Variants in HDAC4 observed in about 807,000 individuals in gnomAD.
The protein encoded by HDAC4 is histone deacetylase A.
A neutral mutation model predicts 135.1 loss-of-function variants in HDAC4; 16 were observed. The observed-to-expected ratio is 0.12, with a 90% CI of 0.08 to 0.18. The LOEUF is 0.18. Ranked by LOEUF, HDAC4 falls within the 10% of genes least tolerant of loss-of-function variation. HDAC4 has a pLI of 1.00. For missense variants in HDAC4, 1,143 were observed against 1,511.8 expected (o/e 0.76, Z 4.05); for synonymous variants, 685 against 653.4 (o/e 1.05, Z -0.74).
Position 239,331,265 on chromosome 2 carries a change from G to A in HDAC4, c.22+21413C>T, listed in dbSNP as rs1468035669. Among the ~76,000 whole-genome samples the A allele has an allele frequency of 2.0e-5, 3 of 152,094 alleles. No individual in the cohort carries two copies. ...ATGAATTCTTCCTTCATATTCGAGGGGAAAACGGTAAAAGCCACGAGAAGG... is the reference window on the plus strand; with the variant it reads ...ATGAATTCTTCCTTCATATTCGAGGAGAAAACGGTAAAAGCCACGAGAAGG... On this transcript the variant is annotated intron_variant, in intron 2 of 26. Coordinates refer to ENST00000543185, the MANE Select transcript of HDAC4 (RefSeq NM_001378414.1). This position sits in a 1 kb window ranked among gnomAD's most constrained non-coding sequence, Gnocchi z 4.5.
intron 6 of HDAC4, among the ~76,000 whole-genome samples, chr2:239,162,639 C>T (rs1407034735): frequency 3.3e-5 from 5 of 152,140 alleles, no homozygotes; most frequent in South Asian, 4.1e-4. Flanking sequence ...CCATGGACGC[C>T]GGTCTCACTC....
intron 26 of HDAC4, 115 bp downstream of exon 26, chr2:239,053,345 G>C (rs2031186843): frequency 2.1e-6 from 3 of 1,437,968 alleles, no homozygotes; most frequent in Non-Finnish European, 9.5e-7. Flanking sequence ...ACACTGGCCT[G>C]TCTCTAGTCT....
intron 2 of HDAC4, among the ~76,000 whole-genome samples, chr2:239,339,309 C>T (rs1015329166): frequency 1.4e-4 from 21 of 152,190 alleles, no homozygotes; most frequent in Admixed American, 2.0e-4. Context: ...CAGGTGCCGA[C>T]AGAAGGCAAA....
rs534397297 is a variant in HDAC4 at position 239,134,642 on chromosome 2, G to A, written c.980C>T (p.Thr327Met). The change falls in exon 10 of 27, where the codon ACG becomes ATG. Residue 327 changes from threonine to methionine, a missense_variant and splice_region_variant. Thr to Met is a moderately conservative substitution (Grantham distance 81, BLOSUM62 -1). Transcript: ENST00000543185. The stretch of plus-strand genomic sequence containing the variant: ...TGCCACAAGTCTGTGCGCCAAACTC[G>A]TCTGGGGACAGAACACACGATGACC... The part of the protein sequence containing the change: ...APAVPSIPAE[T>M]SLAHRLVARE... 9.3e-6 allele frequency: 15 copies of A among 1,610,786 alleles called. No individual in the cohort carries two copies. In the South Asian group the frequency reaches 1.2e-4, roughly 13 times the overall value.
intron 3 of HDAC4, among the ~76,000 whole-genome samples, chr2:239,202,836 G>A (rs184445938): frequency 1.5e-4 from 23 of 152,342 alleles, no homozygotes; most frequent in East Asian, 1.2e-3. Context: ...AGGATGCCAC[G>A]AGTGTGTCCA....
rs958248965 is a variant in HDAC4, at chr2:239,379,905, G to A, written c.-220+21073C>T. 2.6e-5 allele frequency among the ~76,000 whole-genome samples: 4 copies of A among 152,348 alleles called. No individual in the cohort carries two copies. In the South Asian group the frequency reaches 6.2e-4, roughly 24 times the overall value. On this transcript the variant is annotated intron_variant, in intron 1 of 26. Coordinates refer to ENST00000543185, the MANE Select transcript of HDAC4 (RefSeq NM_001378414.1). Reference sequence around the variant, plus strand: ...ACGCAGACACTGACAGTGGGATAGGGAGACAGTGGAATGCTCCGGACCTGG... The same window carrying A: ...ACGCAGACACTGACAGTGGGATAGGAAGACAGTGGAATGCTCCGGACCTGG...
chr2:239,358,281 C>T (rs997128418), intron 1 of HDAC4, among the ~76,000 whole-genome samples: 13 of 152,208 alleles, frequency 8.5e-5, no homozygotes, highest in African/African-American at 3.1e-4. Flanking sequence ...CAGATAGTTA[C>T]GTTATCCGCT....
intron 2 of HDAC4, among the ~76,000 whole-genome samples, chr2:239,257,085 A>C (rs1533932): frequency 0.26 from 39,777 of 151,928 alleles, 7,086 homozygotes; most frequent in East Asian, 0.56. Context: ...ATTCCTATAA[A>C]CCCTTTAATA....
chr2:239,221,019 C>T (rs553448200), intron 3 of HDAC4, among the ~76,000 whole-genome samples: 11 of 152,172 alleles, frequency 7.2e-5, no homozygotes, highest in Non-Finnish European at 1.5e-5. Flanking sequence ...CTCCCACCAG[C>T]CCTTGGACTC....
At chr2:239,184,417 G>A (rs1264237185) in intron 4 of HDAC4, among the ~76,000 whole-genome samples, 12 of 146,728 alleles carry the variant, frequency 8.2e-5, no homozygotes, top group Non-Finnish European at 1.4e-4. Flanking sequence ...GTGCCCTATG[G>A]GGGGGTCCCT....
intron 2 of HDAC4, among the ~76,000 whole-genome samples, chr2:239,256,133 C>T (rs1278449977): frequency 6.6e-6 from 1 of 152,194 alleles, no homozygotes; most frequent in Non-Finnish European, 1.5e-5. Context: ...CAAGTGTGTT[C>T]CAGCTGCGTT....
At chr2:239,153,843 C>A (rs1393038866) in intron 7 of HDAC4, among the ~76,000 whole-genome samples, 1 of 152,194 alleles carries the variant, frequency 6.6e-6, no homozygotes, top group Non-Finnish European at 1.5e-5. Context: ...GGGAAGCCAA[C>A]AGCCACGGAA....
intron 1 of HDAC4, among the ~76,000 whole-genome samples, chr2:239,387,099 C>T (rs1695866223): frequency 3.3e-5 from 5 of 152,210 alleles, no homozygotes; most frequent in South Asian, 2.1e-4. Flanking sequence ...GGTGGGAATG[C>T]TTGCTGTGTG....
At chr2:239,082,642 C>T (rs1420588840) in intron 20 of HDAC4, among the ~76,000 whole-genome samples, 1 of 152,248 alleles carries the variant, frequency 6.6e-6, no homozygotes, top group African/African-American at 2.4e-5. Context: ...CTGGCTGTGG[C>T]CTGCCCGCTT....
intron 2 of HDAC4, among the ~76,000 whole-genome samples, chr2:239,314,844 C>T (rs2053048424): frequency 6.6e-6 from 1 of 152,070 alleles, no homozygotes; most frequent in Non-Finnish European, 1.5e-5. Context: ...CTGAATGGAC[C>T]CCTCCTCTCA....
At chr2:239,234,488 G>A (rs563178217) in intron 3 of HDAC4, among the ~76,000 whole-genome samples, 22 of 152,256 alleles carry the variant, frequency 1.4e-4, no homozygotes, top group South Asian at 2.1e-4. Context: ...GGCCTTGAAC[G>A]GGGATATAAA....
chr2:239,159,050 C>T (rs2042607020), intron 6 of HDAC4, among the ~76,000 whole-genome samples: 1 of 150,698 alleles, frequency 6.6e-6, no homozygotes, highest in African/African-American at 2.4e-5. Flanking sequence ...ACACCTCACC[C>T]ATACCTATAT....
At chr2:239,118,498 G>A (rs542534561) in intron 12 of HDAC4, among the ~76,000 whole-genome samples, 10 of 152,196 alleles carry the variant, frequency 6.6e-5, no homozygotes, top group East Asian at 5.8e-4. Context: ...GTGGCCGCGC[G>A]TCGGGAACAG....
intron 3 of HDAC4, among the ~76,000 whole-genome samples, chr2:239,225,056 CA>C (rs973961190): frequency 6.6e-6 from 1 of 151,856 alleles, no homozygotes; most frequent in African/African-American, 2.4e-5. Context: ...AAATGAATAA[CA>C]AAAAAGATGA....
Sources: gnomAD v4.1 joint callset for allele counts (sites outside exome capture counted in the v4.1 genomes callset) on GRCh38, gnomAD v4.1.1 for gene constraint, Gnocchi (gnomAD v3.1) non-coding constraint, MANE v1.5 for transcripts, NCBI Gene and HGNC (gene_info 2026-07-23, HGNC 2026-07-21) for gene names.